The following FCRLB variants were observed in gnomAD, a reference collection of about 807,000 sequenced individuals.
FCRLB encodes the protein Fc receptor-like B.
FCRLB carries 34 observed loss-of-function variants against 33.6 expected under a neutral mutation model. The observed-to-expected ratio is 1.01, with a 90% CI of 0.77 to 1.35. The LOEUF is 1.35. Among genes scored for constraint, FCRLB ranks in the 40% most tolerant of loss-of-function variants. FCRLB has a pLI of 0.00. For missense variants in FCRLB, 560 were observed against 580.2 expected (o/e 0.97, Z 0.36); for synonymous variants, 280 against 255.9 (o/e 1.09, Z -0.90).
exon 3 of FCRLB, chr1:161,722,653 C>T: frequency 6.2e-7 from 1 of 1,614,002 alleles, no homozygotes; most frequent in East Asian, 2.2e-5. Context: ...CCTTCTGCAG[C>T]TGCTGCAGTC....
chr1:161,726,669 A>T lies in FCRLB; in HGVS notation c.575-34A>T. 6.4e-7 allele frequency: 1 copy of T among 1,564,202 alleles called. No individual in the cohort carries two copies. Among genetic ancestry groups the T allele is most frequent in the Non-Finnish European group, 8.6e-7 (1 of 1,162,328 alleles). ...GGAGCGGGGTCGCGGAGCGGTGGACAAGCCGGCGCCGTTGCTCCCCGCCCT... is the reference window on the plus strand; with the variant it reads ...GGAGCGGGGTCGCGGAGCGGTGGACTAGCCGGCGCCGTTGCTCCCCGCCCT... On this transcript the variant is annotated intron_variant, in intron 6 of 7. Coordinates refer to ENST00000367948, the Ensembl canonical transcript of FCRLB. The surrounding 1 kb of genome is among the most constrained non-coding windows in gnomAD (Gnocchi z 5.2).
At position 161,722,635 on chromosome 1, in the gene FCRLB, A is replaced by G. The variant is rs1370541514; in HGVS notation, c.-20-18A>G. 1.4e-5 allele frequency: 23 copies of G among 1,613,434 alleles called. No individual in the cohort carries two copies. Among genetic ancestry groups the G allele is most frequent in the Non-Finnish European group, 1.9e-5 (22 of 1,179,538 alleles). ...TCTGTTCCCCATCTCATGCCAGTGC[A>G]TCTCCATCCTTCTGCAGCTGCTGCA... On this transcript the variant is annotated intron_variant, in intron 2 of 7. Coordinates refer to ENST00000367948, the Ensembl canonical transcript of FCRLB.
intron 7 of FCRLB, 84 bp from the exon 8 acceptor site, chr1:161,727,163 G>T: frequency 2.2e-6 from 1 of 458,880 alleles, no homozygotes; most frequent in Non-Finnish European, 3.2e-6. Flanking sequence ...CCCCATCCCC[G>T]CCCACCGCCC....
exon 8 of FCRLB, chr1:161,727,471 G>C: frequency 6.2e-7 from 1 of 1,614,094 alleles, no homozygotes. Context: ...GGAACAATCG[G>C]CTGGAGCCCT....
chr1:161,726,059 C>G lies in FCRLB; in HGVS notation c.546C>G (p.Phe182Leu). 1 of 1,612,398 alleles carries G rather than the reference C, an allele frequency of 6.2e-7. No individual in the cohort carries two copies. Among genetic ancestry groups the G allele is most frequent in the Admixed American group, 1.7e-5 (1 of 59,914 alleles). Reference sequence around the variant, plus strand: ...TCCCGGTGGAGAGCGCGCCCATGTTCTCCGCTAAGGTGGCTGTGACAGTGC... The same window carrying G: ...TCCCGGTGGAGAGCGCGCCCATGTTGTCCGCTAAGGTGGCTGTGACAGTGC... Residue 182 changes from phenylalanine to leucine, a missense_variant, in exon 6 of 8, where the codon TTC becomes TTG. Phe to Leu is a conservative substitution (Grantham distance 22, BLOSUM62 0). Transcript: ENST00000367948. The surrounding 1 kb of genome is among the most constrained non-coding windows in gnomAD (Gnocchi z 5.2).
At chr1:161,723,218 TCTC>T (rs1683431596) in intron 4 of FCRLB, 146 bp from the exon 5 acceptor site, 1 of 1,086,242 alleles carries the variant, frequency 9.2e-7, no homozygotes, top group Non-Finnish European at 1.3e-6. Context: ...ATGAATGTGA[TCTC>T]CTCTCCTGCA....
chr1:161,726,644 G>A lies in FCRLB; in HGVS notation c.575-59G>A, dbSNP rs1488870921. 1 of 1,548,298 alleles carries A rather than the reference G, an allele frequency of 6.5e-7. No homozygotes were observed. The highest frequency in any genetic ancestry group is 8.7e-7 in the Non-Finnish European group (1 of 1,153,688). On this transcript the variant is annotated intron_variant, in intron 6 of 7. Transcript: ENST00000367948. This position sits in a 1 kb window ranked among gnomAD's most constrained non-coding sequence, Gnocchi z 5.2. ...AAGGAGCCCTCGCGGGAAGCAGGAAGGAGCGGGGTCGCGGAGCGGTGGACA... is the reference window on the plus strand; with the variant it reads ...AAGGAGCCCTCGCGGGAAGCAGGAAAGAGCGGGGTCGCGGAGCGGTGGACA...
exon 5 of FCRLB, chr1:161,723,393 C>G (rs375713081): frequency 2.0e-5 from 33 of 1,614,084 alleles, no homozygotes; most frequent in African/African-American, 2.7e-5. Flanking sequence ...CATATTGTCT[C>G]TACATCCACC....
chr1:161,725,369 G>A (rs1184752232), intron 5 of FCRLB, among the ~76,000 whole-genome samples: 3 of 152,162 alleles, frequency 2.0e-5, no homozygotes, highest in African/African-American at 7.2e-5. Flanking sequence ...GGCCAGGCCC[G>A]GTGGCTCACG....
Position 161,725,818 on chromosome 1 carries a change from C to T in FCRLB, c.308-3C>T. ...TCAAGCGTGTCTGTGGTGTCTGTCG[C>T]AGATTGGCTGATTCTGCAAGTGCCC... On this transcript the variant is annotated splice_polypyrimidine_tract_variant and splice_region_variant and intron_variant, in intron 5 of 7. Coordinates refer to ENST00000367948, the Ensembl canonical transcript of FCRLB. 1 of 1,600,934 alleles carries T rather than the reference C, an allele frequency of 6.2e-7. No individual in the cohort carries two copies. Among genetic ancestry groups the T allele is most frequent in the Non-Finnish European group, 8.5e-7 (1 of 1,171,564 alleles).
intron 5 of FCRLB, among the ~76,000 whole-genome samples, chr1:161,724,277 TAAC>T (rs1034821755): frequency 1.3e-5 from 2 of 151,906 alleles, no homozygotes; most frequent in African/African-American, 4.8e-5. Context: ...ATAAGAAAAA[TAAC>T]AATAATTTGT....
rs182416412 is a variant in FCRLB, at chr1:161,726,413, G to A, written c.575-290G>A. 1.1e-4 allele frequency: 78 copies of A among 717,646 alleles called. No homozygotes were observed. The highest frequency in any genetic ancestry group is 1.7e-4 in the Non-Finnish European group (67 of 400,684). 44.5% of individuals were successfully genotyped at this position (717,646 alleles called of 1,614,324 possible). A position where few individuals can be genotyped will look rare whatever the true frequency, so the allele number is the denominator to read the frequency against. On this transcript the variant is annotated intron_variant, in intron 6 of 7. Coordinates refer to ENST00000367948, the Ensembl canonical transcript of FCRLB. The surrounding 1 kb of genome is among the most constrained non-coding windows in gnomAD (Gnocchi z 5.2). ...CTCCCTAGCGTCCTGCAAGGCAGGC[G>A]CAGCGTCTCCTATTCTAGGCTGCAG...
Position 161,726,884 on chromosome 1 carries a change from C to T in FCRLB, c.756C>T (p.Tyr252=). The T allele has an allele frequency of 6.3e-7, 1 of 1,587,440 alleles. No homozygotes were observed. Among genetic ancestry groups the T allele is most frequent in the East Asian group, 2.3e-5 (1 of 43,534 alleles). Residue 252 remains tyrosine, a synonymous_variant, in exon 7 of 8, where the codon TAC becomes TAT. Coordinates refer to ENST00000367948, the Ensembl canonical transcript of FCRLB. The surrounding 1 kb of genome is among the most constrained non-coding windows in gnomAD (Gnocchi z 5.2). ...GCCGCTTCGACTGGGGCGCCGAGTACACAGTCCCGGAGCCCGAGGTCGAGG... is the reference window on the plus strand; with the variant it reads ...GCCGCTTCGACTGGGGCGCCGAGTATACAGTCCCGGAGCCCGAGGTCGAGG...
exon 8 of FCRLB, chr1:161,727,958 C>A: frequency 3.1e-6 from 1 of 318,022 alleles, no homozygotes; most frequent in Non-Finnish European, 5.8e-6. Flanking sequence ...ATAAGCCTAG[C>A]CAGTACATAT....
At chr1:161,721,958 G>C (rs16857520) in intron 2 of FCRLB, 108 bp downstream of exon 2, 6,065 of 152,280 alleles carry the variant, frequency 0.04, 149 homozygotes, top group East Asian at 0.058. Flanking sequence ...GAGCTCATTG[G>C]GATGGGTAGG....
exon 8 of FCRLB, chr1:161,727,686 CA>C (rs760566594): frequency 6.4e-7 from 1 of 1,558,632 alleles, no homozygotes; most frequent in South Asian, 1.2e-5. Flanking sequence ...GTCCCCTCTG[CA>C]GGCTCATTCC....
chr1:161,726,499 T>G lies in FCRLB; in HGVS notation c.575-204T>G. The G allele has an allele frequency of 1.3e-6, 1 of 799,588 alleles. No homozygotes were observed. The highest frequency in any genetic ancestry group is 2.0e-5 in the Admixed American group (1 of 50,098). The allele number at this position is 799,588 out of a possible 1,614,324, so 49.5% of individuals were successfully genotyped here. A position where few individuals can be genotyped will look rare whatever the true frequency, so the allele number is the denominator to read the frequency against. On this transcript the variant is annotated intron_variant, in intron 6 of 7. Coordinates refer to ENST00000367948, the Ensembl canonical transcript of FCRLB. This position sits in a 1 kb window ranked among gnomAD's most constrained non-coding sequence, Gnocchi z 5.2. ...AGCGTCTGGCCTGGTCCCTCTTCCT[T>G]TCAAGCTTTCCCCGTCCCTCGTGGA...
At chr1:161,724,471 C>A (rs1342763936) in intron 5 of FCRLB, among the ~76,000 whole-genome samples, 5 of 150,806 alleles carry the variant, frequency 3.3e-5, no homozygotes, top group African/African-American at 1.2e-4. Context: ...ATAGCGGGTG[C>A]CTGTAGTCCC....
At chr1:161,727,961 G>A in exon 8 of FCRLB, 1 of 302,384 alleles carries the variant, frequency 3.3e-6, no homozygotes, top group Non-Finnish European at 6.2e-6. Context: ...AGCCTAGCCA[G>A]TACATATTTC....
Sources: allele counts gnomAD v4.1 joint callset (sites outside exome capture counted in the v4.1 genomes callset), GRCh38; gene constraint gnomAD v4.1.1; non-coding constraint Gnocchi (gnomAD v3.1); transcripts MANE v1.5; gene names NCBI Gene and HGNC (gene_info 2026-07-23, HGNC 2026-07-21).